SLC25A33: variants seen among roughly 807,000 people sequenced by gnomAD.
SLC25A33 encodes the protein bone marrow stromal cell mitochondrial carrier protein.
In SLC25A33, 15 loss-of-function variants were observed where a neutral mutation model predicts 35.5. That is an observed-to-expected ratio of 0.42 (90% CI 0.28 to 0.65). The LOEUF is 0.65. SLC25A33 is among the 30% of genes least tolerant of loss of function. The probability of loss-of-function intolerance (pLI) is 0.20; values close to 1 mark genes in which losing one functional copy is unlikely to be tolerated. For synonymous variants in SLC25A33, 136 were observed against 148.7 expected (o/e 0.91, Z 0.62); for missense variants, 257 against 398.5 (o/e 0.64, Z 3.02).
rs574517251 is a variant in SLC25A33, at chr1:9,564,365, G to C, written c.237-2919G>C. Among the ~76,000 whole-genome samples the C allele has an allele frequency of 1.4e-4, 22 of 152,204 alleles. 1 individual carries two copies. Among genetic ancestry groups the C allele is most frequent in the Admixed American group, 6.5e-4 (10 of 15,270 alleles). On this transcript the variant is annotated intron_variant, in intron 2 of 6. Transcript: ENST00000302692. ...TAACCACTATAGAAAACAGCCTAGT[G>C]GTTTCTCAAAAAATTAGGCATAGGA... is the stretch of plus-strand genomic sequence containing the variant.
intron 1 of SLC25A33, among the ~76,000 whole-genome samples, chr1:9,541,300 C>T (rs7416579): frequency 0.34 from 51,504 of 151,816 alleles, 10,808 homozygotes; most frequent in East Asian, 0.87. Context: ...ACTACAGGCA[C>T]CCGCCACTAC....
rs147457612 is a variant in SLC25A33 at position 9,574,233 on chromosome 1, A to G, written c.482+821A>G. Among the ~76,000 whole-genome samples the G allele has an allele frequency of 5.2e-3, 780 of 150,370 alleles. 21 individuals carry two copies. The highest frequency in any genetic ancestry group is 0.034 in the Admixed American group (509 of 14,978). On this transcript the variant is annotated intron_variant, in intron 5 of 6. Coordinates refer to ENST00000302692, the MANE Select transcript of SLC25A33 (RefSeq NM_032315.3). ...CTCACCTCCTCAGTAGTTTGAGACC[A>G]CAGGTGCATGCCACCACACCCAGCT... is the stretch of plus-strand genomic sequence containing the variant.
At chr1:9,561,408 C>T (rs1461520453) in intron 2 of SLC25A33, among the ~76,000 whole-genome samples, 3 of 152,086 alleles carry the variant, frequency 2.0e-5, no homozygotes, top group Non-Finnish European at 4.4e-5. Context: ...ATGCTCCAAA[C>T]AAGACCCTGA....
At chr1:9,558,204 C>T (rs1252051615) in intron 2 of SLC25A33, among the ~76,000 whole-genome samples, 1 of 152,214 alleles carries the variant, frequency 6.6e-6, no homozygotes, top group African/African-American at 2.4e-5. Context: ...AAGAAATGAA[C>T]AAGCCCCAGA....
chr1:9,579,584 A>AG (rs1242767545), intron 5 of SLC25A33, among the ~76,000 whole-genome samples: 1 of 152,180 alleles, frequency 6.6e-6, no homozygotes, highest in Non-Finnish European at 1.5e-5. Flanking sequence ...GCCACCCTCC[A>AG]GGAGCCTCCA....
intron 5 of SLC25A33, chr1:9,576,925 G>A: frequency 1.5e-6 from 2 of 1,297,456 alleles, no homozygotes; most frequent in South Asian, 2.4e-5. Flanking sequence ...AGGATATCAG[G>A]AAGTTTGGGG....
At chr1:9,562,279 C>T (rs1040824404) in intron 2 of SLC25A33, among the ~76,000 whole-genome samples, 27 of 133,500 alleles carry the variant, frequency 2.0e-4, no homozygotes, top group Admixed American at 9.2e-4. Context: ...GCCTGGGAGG[C>T]GGAGGCTGCA....
Position 9,570,321 on chromosome 1 carries a change from C to T in SLC25A33, c.378C>T (p.Asn126=). The T allele has an allele frequency of 6.2e-7, 1 of 1,614,082 alleles. No homozygotes were observed. Among genetic ancestry groups the T allele is most frequent in the Non-Finnish European group, 8.5e-7 (1 of 1,180,002 alleles). ...KEQFNGIFVP[N]SNIVHIFSAG... ...AATTTAATGGCATTTTCGTGCCTAA[C>T]AGCAATATTGTGCATATTTTCTCAG... The change falls in exon 4 of 7, where the codon AAC becomes AAT. Residue 126 remains asparagine (N), a synonymous_variant. Transcript: ENST00000302692.
At chr1:9,570,527 G>A (rs759392321) in intron 4 of SLC25A33, among the ~76,000 whole-genome samples, 169 bp downstream of exon 4, 105 of 152,080 alleles carry the variant, frequency 6.9e-4, no homozygotes, top group Non-Finnish European at 1.3e-3. Context: ...GCGGTTTGTA[G>A]CTTGATTTTA....
intron 1 of SLC25A33, among the ~76,000 whole-genome samples, chr1:9,545,152 G>C (rs1643148962): frequency 6.6e-6 from 1 of 152,038 alleles, no homozygotes; most frequent in Admixed American, 6.6e-5. Flanking sequence ...TTTTGGAAAG[G>C]AATAATGAGA....
At chr1:9,544,248 T>C (rs1297150590) in intron 1 of SLC25A33, among the ~76,000 whole-genome samples, 1 of 152,054 alleles carries the variant, frequency 6.6e-6, no homozygotes, top group East Asian at 1.9e-4. Context: ...ATTAAATCTT[T>C]ATCAGCTAAT....
rs1643300887 is a variant in SLC25A33 at position 9,553,684 on chromosome 1, T to C, written c.115T>C (p.Leu39=). The C allele has an allele frequency of 6.2e-7, 1 of 1,614,034 alleles. No individual in the cohort carries two copies. The highest frequency in any genetic ancestry group is 8.5e-7 in the Non-Finnish European group (1 of 1,180,050). ...TCCACTAGAAGTCATTAAGACACGG[T>C]TGCAGTCTTCAAGATTAGCTCTCCG... The part of the protein sequence containing the change: ...TCPLEVIKTR[L]QSSRLALRTV... Residue 39 remains leucine, a synonymous_variant, in exon 2 of 7, where the codon TTG becomes CTG. Transcript: ENST00000302692.
intron 2 of SLC25A33, among the ~76,000 whole-genome samples, chr1:9,562,039 G>C (rs1046797718): frequency 7.2e-6 from 1 of 139,186 alleles, no homozygotes; most frequent in Non-Finnish European, 1.5e-5. Flanking sequence ...GACAGAGCAA[G>C]ACTCCGTCTC....
intron 6 of SLC25A33, 60 bp downstream of exon 6, chr1:9,580,294 G>A (rs1470999893): frequency 2.2e-5 from 34 of 1,576,530 alleles, no homozygotes; most frequent in Non-Finnish European, 2.7e-5. Flanking sequence ...GTTGTTTGTG[G>A]GTATATCTAG....
chr1:9,573,136 A>G (rs1436903557), intron 4 of SLC25A33, among the ~76,000 whole-genome samples: 1 of 152,130 alleles, frequency 6.6e-6, no homozygotes, highest in African/African-American at 2.4e-5. Context: ...ATTAAGAGAA[A>G]TTTATTTTAG....
Position 9,553,621 on chromosome 1 carries a change from T to C in SLC25A33, c.57-5T>C. ...TTCTCTGATCTGCTTTGGTTTCCCT[T>C]ACAGGTGTGGAGGCACAGTTGGTGC... On this transcript the variant is annotated splice_region_variant and splice_polypyrimidine_tract_variant and intron_variant, in intron 1 of 6. Coordinates refer to ENST00000302692, the MANE Select transcript of SLC25A33 (RefSeq NM_032315.3). 6.2e-7 allele frequency: 1 copy of C among 1,612,934 alleles called. No homozygotes were observed.
chr1:9,548,427 CA>C (rs1205368430), intron 1 of SLC25A33, among the ~76,000 whole-genome samples: 1 of 151,964 alleles, frequency 6.6e-6, no homozygotes, highest in Non-Finnish European at 1.5e-5. Context: ...ACTAAAAATA[CA>C]AAAATTATCT....
At chr1:9,566,569 G>A (rs1387386985) in intron 2 of SLC25A33, among the ~76,000 whole-genome samples, 2 of 152,128 alleles carry the variant, frequency 1.3e-5, no homozygotes, top group African/African-American at 4.8e-5. Flanking sequence ...GTGTTGGGCC[G>A]GGTGTGGTGG....
chr1:9,544,220 C>T (rs892283517), intron 1 of SLC25A33, among the ~76,000 whole-genome samples: 1 of 151,834 alleles, frequency 6.6e-6, no homozygotes. Context: ...CAGGTATACT[C>T]AGGTACTTGT....
Sources: allele counts gnomAD v4.1 joint callset (sites outside exome capture counted in the v4.1 genomes callset), GRCh38; gene constraint gnomAD v4.1.1; transcripts MANE v1.5; gene names NCBI Gene and HGNC (gene_info 2026-07-23, HGNC 2026-07-21).